WRN: variants seen among roughly 807,000 people sequenced by gnomAD.
The protein encoded by WRN is bifunctional 3'-5' exonuclease/ATP-dependent helicase WRN.
In WRN, 149 loss-of-function variants were observed where a neutral mutation model predicts 180.7. That is an observed-to-expected ratio of 0.82 (90% CI 0.72 to 0.94). The LOEUF is 0.94. WRN is among the 40% of genes least tolerant of loss of function. The pLI, the probability that WRN is intolerant of heterozygous loss-of-function variation, is 0.00. For missense variants in WRN, 1,661 were observed against 1,700.1 expected (o/e 0.98, Z 0.40); for synonymous variants, 548 against 568.9 (o/e 0.96, Z 0.52).
chr8:31,162,331 C>G (rs1356825846), intron 33 of WRN, among the ~76,000 whole-genome samples: 1 of 151,668 alleles, frequency 6.6e-6, no homozygotes. Flanking sequence ...AGACAAAAAC[C>G]CACACATCAG....
chr8:31,065,908 C>T lies in WRN; in HGVS notation c.504+845C>T, dbSNP rs868628829. 4.3e-3 allele frequency among the ~76,000 whole-genome samples: 543 copies of T among 124,988 alleles called. 5 individuals carry two copies. The highest frequency in any genetic ancestry group is 0.016 in the African/African-American group (504 of 32,496). The allele number at this position is 124,988 out of a possible 152,430, so 82.0% of individuals were successfully genotyped here. A position where few individuals can be genotyped will look rare whatever the true frequency, so the allele number is the denominator to read the frequency against. On this transcript the variant is annotated intron_variant, in intron 5 of 34. Coordinates refer to ENST00000298139, the MANE Select transcript of WRN (RefSeq NM_000553.6). ...TTTTTTTTTTTTTGAGGTGGAGTTT[C>T]GCTCTTGTTGCCCAGGCTGGAGTGG...
intron 1 of WRN, among the ~76,000 whole-genome samples, chr8:31,041,464 C>T (rs546124235): frequency 2.0e-5 from 3 of 152,246 alleles, no homozygotes; most frequent in Non-Finnish European, 4.4e-5. Context: ...CACAGACACA[C>T]CCAGAATAAT....
intron 33 of WRN, among the ~76,000 whole-genome samples, chr8:31,161,664 C>T (rs1368626143): frequency 1.3e-5 from 2 of 152,102 alleles, no homozygotes; most frequent in Non-Finnish European, 2.9e-5. Context: ...CATGATGAAA[C>T]TCCGTTTCTA....
At chr8:31,041,658 G>A (rs553207525) in intron 1 of WRN, among the ~76,000 whole-genome samples, 95 of 152,308 alleles carry the variant, frequency 6.2e-4, no homozygotes, top group African/African-American at 2.0e-3. Context: ...TAAGAGTGAC[G>A]ATCGGTGGAG....
intron 31 of WRN, among the ~76,000 whole-genome samples, chr8:31,152,439 A>G (rs920174917): frequency 6.6e-6 from 1 of 152,116 alleles, no homozygotes; most frequent in African/African-American, 2.4e-5. Context: ...ATATCTAAGG[A>G]TGTTCATGAA....
intron 9 of WRN, 74 bp downstream of exon 9, chr8:31,081,370 A>G (rs1813305857): frequency 6.7e-7 from 1 of 1,501,348 alleles, no homozygotes; most frequent in South Asian, 1.2e-5. Context: ...AAAGAGACAG[A>G]TAGTAAATAT....
At chr8:31,118,835 A>C (rs1157545405) in intron 20 of WRN, among the ~76,000 whole-genome samples, 1 of 151,700 alleles carries the variant, frequency 6.6e-6, no homozygotes, top group Non-Finnish European at 1.5e-5. Flanking sequence ...ATCTTTTTGT[A>C]TTTCATTTCC....
chr8:31,159,755 G>T (rs1448098922), intron 33 of WRN, among the ~76,000 whole-genome samples: 1 of 151,926 alleles, frequency 6.6e-6, no homozygotes, highest in Non-Finnish European at 1.5e-5. Context: ...GACCAGCCTG[G>T]CCAACATGGT....
At chr8:31,133,185 C>G (rs1802253863) in intron 24 of WRN, among the ~76,000 whole-genome samples, 1 of 151,960 alleles carries the variant, frequency 6.6e-6, no homozygotes, top group Admixed American at 6.6e-5. Flanking sequence ...GATTTTTTCC[C>G]CTGATTTAGA....
At chr8:31,079,543 T>A (rs923931430) in intron 8 of WRN, among the ~76,000 whole-genome samples, 1 of 152,240 alleles carries the variant, frequency 6.6e-6, no homozygotes, top group Non-Finnish European at 1.5e-5. Flanking sequence ...TAGCAGTGGT[T>A]TTCCATTCCA....
At chr8:31,061,139 CT>C (rs1697281581) in intron 3 of WRN, among the ~76,000 whole-genome samples, 1 of 152,238 alleles carries the variant, frequency 6.6e-6, no homozygotes, top group Middle Eastern at 3.4e-3. Flanking sequence ...AGGCTCTTTC[CT>C]TTCAGTCTTT....
At chr8:31,091,791 G>A (rs1446379905) in intron 15 of WRN, 39 bp from the exon 16 acceptor site, 2 of 1,533,352 alleles carry the variant, frequency 1.3e-6, no homozygotes, top group African/African-American at 1.4e-5. Flanking sequence ...TATGTGTAAT[G>A]TGTACATGGT....
intron 11 of WRN, among the ~76,000 whole-genome samples, chr8:31,085,468 C>CT (rs1038655830): frequency 2.6e-3 from 375 of 142,434 alleles, no homozygotes; most frequent in African/African-American, 5.8e-3. Context: ...TTTGTTCCTT[C>CT]TTTTTTTTTT....
chr8:31,155,061 A>G (rs1259101696), intron 32 of WRN, among the ~76,000 whole-genome samples: 2 of 152,214 alleles, frequency 1.3e-5, no homozygotes, highest in East Asian at 3.8e-4. Context: ...CTAACAGTTT[A>G]AAAACTATAA....
rs146471227 is a variant in WRN at position 31,147,194 on chromosome 8, A to G, written c.3459+66A>G. On this transcript the variant is annotated intron_variant, in intron 29 of 34. Transcript: ENST00000298139. ...AGTTATGATTCTATGTATGCTTAAA[A>G]TTCTGTATTTTGCCAGCATTTTAAA... 1,455 of 1,555,872 alleles carry G rather than the reference A, an allele frequency of 9.4e-4. 13 individuals carry two copies. In the African/African-American group the frequency reaches 0.016, roughly 17 times the overall value.
At position 31,100,720 on chromosome 8, in the gene WRN, T is replaced by C. The variant is rs553210314; in HGVS notation, c.1982-129T>C. On this transcript the variant is annotated intron_variant, in intron 17 of 34. Transcript: ENST00000298139. ...ATTTTTGGTGTTAATATGATGATAT[T>C]TATGCTTCTGTTTTTATAGGAACCA... 1.3e-5 allele frequency: 10 copies of C among 745,022 alleles called. No homozygotes were observed. In the East Asian group the frequency reaches 1.9e-4, roughly 14 times the overall value. 46.2% of individuals were successfully genotyped at this position (745,022 alleles called of 1,614,324 possible). A position where few individuals can be genotyped will look rare whatever the true frequency, so the allele number is the denominator to read the frequency against.
intron 16 of WRN, among the ~76,000 whole-genome samples, chr8:31,093,348 G>T (rs1009585454): frequency 6.6e-6 from 1 of 152,158 alleles, no homozygotes; most frequent in South Asian, 2.1e-4. Flanking sequence ...CGATCCTCCT[G>T]CCTTGGCTTT....
At chr8:31,060,237 CTTTTAAAAAAAAAA>C (rs1471460553) in intron 3 of WRN, among the ~76,000 whole-genome samples, 1 of 151,904 alleles carries the variant, frequency 6.6e-6, no homozygotes, top group Non-Finnish European at 1.5e-5. Context: ...TTATACCTGT[CTTTTAAAAAAAAAA>C]TTTTGTTATA....
chr8:31,166,996 A>T (rs1483010893), intron 33 of WRN, 26 bp from the exon 34 acceptor site: 1 of 1,590,180 alleles, frequency 6.3e-7, no homozygotes, highest in Non-Finnish European at 8.6e-7. Context: ...ATTTATTTTG[A>T]AATGGAGTTT....
Sources: gnomAD v4.1 joint callset for allele counts (sites outside exome capture counted in the v4.1 genomes callset) on GRCh38, gnomAD v4.1.1 for gene constraint, MANE v1.5 for transcripts, NCBI Gene and HGNC (gene_info 2026-07-23, HGNC 2026-07-21) for gene names.